RAB38: variants seen among roughly 807,000 people sequenced by gnomAD.
RAB38 encodes the protein ras-related protein Rab-38.
A neutral mutation model predicts 18.4 loss-of-function variants in RAB38; 15 were observed. The ratio of observed to expected loss-of-function variants is 0.82; its 90% CI spans 0.55 to 1.26. The LOEUF is 1.26. RAB38 is among the 50% of genes most tolerant of loss of function. The pLI, the probability that RAB38 is intolerant of heterozygous loss-of-function variation, is 0.00. For missense variants in RAB38, 294 were observed against 267.4 expected, an observed-to-expected ratio of 1.10 and a Z score of -0.69; for synonymous variants, 101 against 104.4, an observed-to-expected ratio of 0.97 and a Z score of 0.20.
At chr11:87,819,624 T>C in the RAB38 span, among the ~76,000 whole-genome samples, 1 of 151,160 alleles carries the variant, frequency 6.6e-6, no homozygotes, top group East Asian at 1.9e-4. Context: ...AACTTTTGTC[T>C]CTCAGTTAAT....
chr11:88,127,652 C>T (rs992751), intron 2 of RAB38, among the ~76,000 whole-genome samples: 116,625 of 152,082 alleles, frequency 0.77, 45,113 homozygotes, highest in Middle Eastern at 0.87. Context: ...AAATGAAATA[C>T]ATGTGTTTTC....
At chr11:88,153,827 C>CG (rs1232426682) in intron 1 of RAB38, among the ~76,000 whole-genome samples, 1 of 151,998 alleles carries the variant, frequency 6.6e-6, no homozygotes, top group African/African-American at 2.4e-5. Flanking sequence ...TTTTTTCCCC[C>CG]CAAGATAGTA....
the RAB38 span, among the ~76,000 whole-genome samples, chr11:87,886,081 C>T: frequency 6.6e-6 from 1 of 151,916 alleles, no homozygotes; most frequent in African/African-American, 2.4e-5. Flanking sequence ...TACACCGTTT[C>T]AACTCCCACA....
the RAB38 span, among the ~76,000 whole-genome samples, chr11:87,809,911 A>C: frequency 6.6e-6 from 1 of 150,448 alleles, no homozygotes; most frequent in African/African-American, 2.5e-5. Context: ...CCAGTTTCAA[A>C]ATATTATATC....
the RAB38 span, chr11:88,061,587 TAAG>T: frequency 2.6e-5 from 4 of 152,078 alleles, no homozygotes; most frequent in East Asian, 7.7e-4. Flanking sequence ...ATAGAGGAAA[TAAG>T]AAACATTGAG....
the RAB38 span, among the ~76,000 whole-genome samples, chr11:88,011,716 T>C: frequency 6.6e-6 from 1 of 152,172 alleles, no homozygotes; most frequent in Non-Finnish European, 1.5e-5. Flanking sequence ...TGTCCTCTAG[T>C]TCTTCAAGAC....
At chr11:88,051,206 A>T in the RAB38 span, among the ~76,000 whole-genome samples, 1 of 152,132 alleles carries the variant, frequency 6.6e-6, no homozygotes, top group Non-Finnish European at 1.5e-5. Context: ...TAGGATAACT[A>T]AAGCCCCATC....
At chr11:88,148,333 A>G (rs953500488) in intron 2 of RAB38, among the ~76,000 whole-genome samples, 10 of 152,182 alleles carry the variant, frequency 6.6e-5, no homozygotes, top group Non-Finnish European at 8.8e-5. Flanking sequence ...CTTCCTCTCC[A>G]TCAACTCCAA....
the RAB38 span, among the ~76,000 whole-genome samples, chr11:88,010,713 T>A: frequency 6.6e-6 from 1 of 152,178 alleles, no homozygotes; most frequent in Admixed American, 6.5e-5. Flanking sequence ...CTCACGATAA[T>A]CCTGCAAATA....
chr11:87,903,297 TTTC>T, the RAB38 span, among the ~76,000 whole-genome samples: 9 of 151,644 alleles, frequency 5.9e-5, no homozygotes, highest in East Asian at 1.9e-4. Context: ...TACAAATTTT[TTTC>T]TTCTTTTCCC....
At chr11:88,175,113 G>A in intron 1 of RAB38, 70 bp downstream of exon 1, 3 of 1,446,950 alleles carry the variant, frequency 2.1e-6, no homozygotes, top group Non-Finnish European at 2.8e-6. Flanking sequence ...TTGGCCGCAA[G>A]CCGCTGCCTC....
chr11:88,095,724 C>T, the RAB38 span, among the ~76,000 whole-genome samples: 3 of 151,818 alleles, frequency 2.0e-5, no homozygotes, highest in Non-Finnish European at 4.4e-5. Flanking sequence ...TACCTATCTC[C>T]AATTGGTATC....
At chr11:87,909,355 G>C in the RAB38 span, among the ~76,000 whole-genome samples, 1 of 151,840 alleles carries the variant, frequency 6.6e-6, no homozygotes, top group African/African-American at 2.4e-5. Flanking sequence ...ATATTTTGCA[G>C]GAGTTAAGAA....
chr11:87,909,530 T>G, the RAB38 span, among the ~76,000 whole-genome samples: 1 of 152,210 alleles, frequency 6.6e-6, no homozygotes, highest in African/African-American at 2.4e-5. Context: ...AAGTGTATAA[T>G]TTTATATGTT....
At chr11:87,830,523 T>C in the RAB38 span, among the ~76,000 whole-genome samples, 2 of 152,050 alleles carry the variant, frequency 1.3e-5, no homozygotes, top group African/African-American at 4.8e-5. Flanking sequence ...GGATAATGTT[T>C]ATTGAGTCCT....
At chr11:87,977,788 G>C in the RAB38 span, among the ~76,000 whole-genome samples, 6 of 105,668 alleles carry the variant, frequency 5.7e-5, no homozygotes, top group Admixed American at 1.2e-4. Context: ...TTATATCATA[G>C]TTATATATAT....
chr11:88,136,795 A>T (rs945907679), intron 2 of RAB38, among the ~76,000 whole-genome samples: 3 of 152,240 alleles, frequency 2.0e-5, no homozygotes, highest in African/African-American at 7.2e-5. Context: ...ACACTTACAC[A>T]GTAATTGTAG....
chr11:88,028,119 G>C, the RAB38 span, among the ~76,000 whole-genome samples: 4 of 152,136 alleles, frequency 2.6e-5, no homozygotes, highest in Non-Finnish European at 5.9e-5. Flanking sequence ...ACGCAAACAG[G>C]GTCTGGAGTG....
the RAB38 span, among the ~76,000 whole-genome samples, chr11:88,052,573 T>C: frequency 2.0e-5 from 3 of 152,200 alleles, no homozygotes; most frequent in Admixed American, 1.3e-4. Context: ...ATTTGAATTT[T>C]ATCAAATAGA....
Sources: gnomAD v4.1 joint callset for allele counts (sites outside exome capture counted in the v4.1 genomes callset) on GRCh38, gnomAD v4.1.1 for gene constraint, MANE v1.5 for transcripts, NCBI Gene and HGNC (gene_info 2026-07-23, HGNC 2026-07-21) for gene names.